The following ZNF567 variants were observed in gnomAD, a reference collection of about 807,000 sequenced individuals.
ZNF567 encodes the protein zinc finger protein 567.
Under a neutral mutation model 53.9 loss-of-function variants are expected in ZNF567, and 36 were observed. That is an observed-to-expected ratio of 0.67 (90% CI 0.51 to 0.88). ZNF567 has a LOEUF of 0.88. ZNF567 is among the 40% of genes least tolerant of loss of function. ZNF567 has a pLI of 0.00. For synonymous variants in ZNF567, 224 were observed against 260.4 expected (o/e 0.86, Z 1.35); for missense variants, 619 against 764.7 (o/e 0.81, Z 2.25).
rs199880514 is a variant in ZNF567, at chr19:36,720,435, A to G, written c.1711A>G (p.Ser571Gly). The change falls in exon 6 of 6, where the codon AGC becomes GGC. Residue 571 changes from serine to glycine, a missense_variant. By Grantham distance (56) the Ser-to-Gly change is moderately conservative. Transcript: ENST00000682579. ...ATGTCCTCAGTGTGGGAAAGCCTTT[A>G]GCAGGAAGTCATATCTCATTCATCA... Reference protein sequence around the residue: ...YECPQCGKAFSRKSYLIHHQR... With the variant: ...YECPQCGKAFGRKSYLIHHQR... 1.2e-5 allele frequency: 20 copies of G among 1,614,090 alleles called. No individual in the cohort carries two copies. The South Asian group carries it at 1.5e-4, about 12-fold the overall frequency.
At chr19:36,715,187 G>T (rs1028865650) in intron 5 of ZNF567, among the ~76,000 whole-genome samples, 3 of 151,772 alleles carry the variant, frequency 2.0e-5, no homozygotes, top group Admixed American at 2.0e-4. Flanking sequence ...TTGAGATGGA[G>T]TCCTGCTGTG....
At chr19:36,684,850 G>A (rs55728428), upstream of ZNF567, among the ~76,000 whole-genome samples, 5,342 of 152,178 alleles carry the variant, frequency 0.035, 127 homozygotes, top group Non-Finnish European at 0.054. Flanking sequence ...CAGGAGAGAC[G>A]CCCATTTCCA....
Position 36,720,397 on chromosome 19 carries a change from A to C in ZNF567, c.1673A>C (p.Gln558Pro), listed in dbSNP as rs371206270. The C allele has an allele frequency of 6.2e-7, 1 of 1,614,084 alleles. No individual in the cohort carries two copies. The highest frequency in any genetic ancestry group is 8.5e-7 in the Non-Finnish European group (1 of 1,180,044). ...GTACATCAGAAAATACATACCGGCC[A>C]GAAATCCTATGAATGTCCTCAGTGT... The part of the protein sequence containing the change: ...LTVHQKIHTG[Q>P]KSYECPQCGK... The change falls in exon 6 of 6, where the codon CAG (glutamine) becomes CCG (proline). Residue 558 changes from glutamine to proline, a missense_variant. Coordinates refer to ENST00000682579, the MANE Select transcript of ZNF567 (RefSeq NM_001322917.1).
chr19:36,699,713 GCTCT>G (rs1233678529), intron 3 of ZNF567, among the ~76,000 whole-genome samples: 2 of 151,888 alleles, frequency 1.3e-5, no homozygotes, highest in African/African-American at 2.4e-5. Flanking sequence ...TCATGATTTG[GCTCT>G]CTGTTTGTCT....
In ZNF567 at chr19:36,719,244, C is replaced by T. The variant is rs1447827535; in HGVS notation, c.520C>T (p.Gln174Ter). The change falls in exon 6 of 6, where the codon CAA (glutamine) becomes TAA (stop). Residue 174 changes from glutamine (Q) to a stop codon, truncating the protein, a stop_gained. Coordinates refer to ENST00000682579, the MANE Select transcript of ZNF567 (RefSeq NM_001322917.1). LOFTEE classifies it high-confidence loss of function. Reference sequence around the variant, plus strand: ...TGGGAAATCACTCCTGAGTACTAAACAAGAGACTACTCATCCTGAAGTCAA... The same window carrying T: ...TGGGAAATCACTCCTGAGTACTAAATAAGAGACTACTCATCCTGAAGTCAA... ...GYGKSLLSTKQETTHPEVKSH... is the reference protein window; with the variant it reads ...GYGKSLLSTK 2 of 1,613,942 alleles carry T rather than the reference C, an allele frequency of 1.2e-6. No individual in the cohort carries two copies. The highest frequency in any genetic ancestry group is 2.2e-5 in the South Asian group (2 of 91,072).
intron 3 of ZNF567, among the ~76,000 whole-genome samples, chr19:36,707,071 A>T (rs2145774395): frequency 6.6e-6 from 1 of 151,672 alleles, no homozygotes; most frequent in South Asian, 2.1e-4. Flanking sequence ...TTTTAATTGG[A>T]GTTTTTAGTC....
At chr19:36,703,339 G>GA (rs1455240043) in intron 3 of ZNF567, among the ~76,000 whole-genome samples, 2 of 151,658 alleles carry the variant, frequency 1.3e-5, no homozygotes, top group African/African-American at 4.9e-5. Flanking sequence ...GCCCCTACTG[G>GA]GGGGGGTGCC....
At position 36,719,423 on chromosome 19, in the gene ZNF567, A is replaced by G; in HGVS notation, c.699A>G (p.Lys233=). 6.2e-7 allele frequency: 1 copy of G among 1,613,560 alleles called. No homozygotes were observed. The highest frequency in any genetic ancestry group is 1.3e-5 in the African/African-American group (1 of 74,994). ...GGLITHSRPY[K]GENPSVYNKK... is the part of the protein sequence containing the mutation. ...TGATTACACATAGTAGACCTTACAA[A>G]GGAGAAAACCCATCTGTATATAATA... Residue 233 remains lysine, a synonymous_variant, in exon 6 of 6, where the codon AAA becomes AAG. Coordinates refer to ENST00000682579, the MANE Select transcript of ZNF567 (RefSeq NM_001322917.1).
At chr19:36,667,751 G>A in the ZNF567 span, among the ~76,000 whole-genome samples, 1 of 148,840 alleles carries the variant, frequency 6.7e-6, no homozygotes, top group Non-Finnish European at 1.5e-5. Context: ...CCGGGTTCAC[G>A]CCATTCTCCT....
In ZNF567 at chr19:36,705,719, A is replaced by G. The variant is rs1040341920; in HGVS notation, c.10-6667A>G. 2.0e-5 allele frequency among the ~76,000 whole-genome samples: 3 copies of G among 152,064 alleles called. No individual in the cohort carries two copies. In the East Asian group the frequency reaches 5.8e-4, roughly 29 times the overall value. Reference sequence around the variant, plus strand: ...TGTGTTGAAAGTTTTCTGTATTCTTATTGTTCTTCAGTCTGTTAAAGCAAT... The same window carrying G: ...TGTGTTGAAAGTTTTCTGTATTCTTGTTGTTCTTCAGTCTGTTAAAGCAAT... On this transcript the variant is annotated intron_variant, in intron 3 of 5. Coordinates refer to ENST00000682579, the MANE Select transcript of ZNF567 (RefSeq NM_001322917.1).
chr19:36,719,553 G>A lies in ZNF567; in HGVS notation c.829G>A (p.Glu277Lys). Residue 277 changes from glutamate (E) to lysine (K), a missense_variant, in exon 6 of 6, where the codon GAA (glutamate) becomes AAA (lysine). Glu to Lys is a moderately conservative substitution (Grantham distance 56). Coordinates refer to ENST00000682579, the MANE Select transcript of ZNF567 (RefSeq NM_001322917.1). The part of the protein sequence containing the change: ...VLILHQGIHS[E>K]EKPYQCHQCG... Reference sequence around the variant, plus strand: ...GATTCTGCATCAGGGAATTCACTCAGAAGAAAAACCCTATCAATGTCATCA... The same window carrying A: ...GATTCTGCATCAGGGAATTCACTCAAAAGAAAAACCCTATCAATGTCATCA... 2 of 1,614,136 alleles carry A rather than the reference G, an allele frequency of 1.2e-6. No homozygotes were observed. Among genetic ancestry groups the A allele is most frequent in the South Asian group, 2.2e-5 (2 of 91,078 alleles).
the ZNF567 span, among the ~76,000 whole-genome samples, chr19:36,679,436 G>A: frequency 6.6e-6 from 1 of 152,150 alleles, no homozygotes; most frequent in South Asian, 2.1e-4. Flanking sequence ...GGGAAACAGT[G>A]TAGAGCTTCC....
At chr19:36,671,935 G>A in the ZNF567 span, among the ~76,000 whole-genome samples, 1 of 152,226 alleles carries the variant, frequency 6.6e-6, no homozygotes, top group Non-Finnish European at 1.5e-5. Context: ...ATGTGAAGAA[G>A]TGGCCCAAAA....
At chr19:36,691,324 AATTTT>A (rs1410711157) in intron 2 of ZNF567, among the ~76,000 whole-genome samples, 1 of 151,824 alleles carries the variant, frequency 6.6e-6, no homozygotes, top group African/African-American at 2.4e-5. Flanking sequence ...ATACCTGGCT[AATTTT>A]ATTTTATTTT....
At chr19:36,677,777 A>G in the ZNF567 span, among the ~76,000 whole-genome samples, 301 of 152,312 alleles carry the variant, frequency 2.0e-3, 1 homozygote, top group African/African-American at 6.8e-3. Flanking sequence ...AAAAAAATAA[A>G]TAAAATAAAA....
chr19:36,724,331 A>G (rs533678927), downstream of ZNF567, among the ~76,000 whole-genome samples: 2 of 151,660 alleles, frequency 1.3e-5, no homozygotes, highest in South Asian at 4.2e-4. Flanking sequence ...AACAATCATC[A>G]TTCTGTTTTC....
rs1319610483 is a variant in ZNF567 at position 36,720,386 on chromosome 19, A to G, written c.1662A>G (p.Ile554Met). The G allele has an allele frequency of 3.1e-6, 5 of 1,614,012 alleles. No homozygotes were observed. Among genetic ancestry groups the G allele is most frequent in the Non-Finnish European group, 4.2e-6 (5 of 1,180,026 alleles). Reference sequence around the variant, plus strand: ...CAACCCTCACTGTACATCAGAAAATACATACCGGCCAGAAATCCTATGAAT... The same window carrying G: ...CAACCCTCACTGTACATCAGAAAATGCATACCGGCCAGAAATCCTATGAAT... ...QKATLTVHQK[I>M]HTGQKSYECP... Residue 554 changes from isoleucine (I) to methionine (M), a missense_variant, in exon 6 of 6, where the codon ATA becomes ATG. By Grantham distance (10) the Ile-to-Met change is conservative. Coordinates refer to ENST00000682579, the MANE Select transcript of ZNF567 (RefSeq NM_001322917.1).
At chr19:36,718,315 T>C (rs1223307375) in intron 5 of ZNF567, among the ~76,000 whole-genome samples, 1 of 152,066 alleles carries the variant, frequency 6.6e-6, no homozygotes, top group African/African-American at 2.4e-5. Context: ...CTGGCCAGCA[T>C]GGTGAAACCC....
chr19:36,672,484 CTT>C, the ZNF567 span, among the ~76,000 whole-genome samples: 2 of 152,268 alleles, frequency 1.3e-5, no homozygotes, highest in South Asian at 2.1e-4. Context: ...CCAAGCTACC[CTT>C]ATCATCACCC....
Sources: allele counts gnomAD v4.1 joint callset (sites outside exome capture counted in the v4.1 genomes callset), GRCh38; gene constraint gnomAD v4.1.1; transcripts MANE v1.5; gene names NCBI Gene and HGNC (gene_info 2026-07-23, HGNC 2026-07-21).